The following ACTC1 variants were observed in gnomAD, a reference collection of about 807,000 sequenced individuals.
ACTC1 encodes the protein actin alpha cardiac muscle 1, also known as actin, alpha cardiac muscle 1.
In ACTC1, 10 loss-of-function variants were observed where a neutral mutation model predicts 31.6. That is an observed-to-expected ratio of 0.32 (90% CI 0.19 to 0.54). The LOEUF (loss-of-function observed/expected upper bound fraction) is 0.54. ACTC1 is among the 20% of genes least tolerant of loss of function. The probability of loss-of-function intolerance (pLI) is 0.95; values close to 1 mark genes in which losing one functional copy is unlikely to be tolerated. For missense variants in ACTC1, 129 were observed against 506.4 expected, an observed-to-expected ratio of 0.25 and a Z score of 7.15; for synonymous variants, 196 against 185.0, an observed-to-expected ratio of 1.06 and a Z score of -0.48.
intron 5 of ACTC1, 74 bp from the exon 6 acceptor site, chr15:34,791,369 G>A: frequency 1.9e-6 from 3 of 1,561,116 alleles, no homozygotes; most frequent in African/African-American, 1.4e-5. Flanking sequence ...GTGCATTCAG[G>A]TCAAGGTAGA....
chr15:34,790,299 G>T lies in ACTC1; in HGVS notation c.*113C>A. The stretch of plus-strand genomic sequence containing the variant: ...TTAGAAGCACAAACAAATTGCACGT[G>T]TGTAAACAAACTGTACAATGATTGA... On this transcript the variant is annotated 3_prime_UTR_variant, in exon 7 of 7. Coordinates refer to ENST00000290378, the MANE Select transcript of ACTC1 (RefSeq NM_005159.5). The T allele has an allele frequency of 7.3e-7, 1 of 1,374,414 alleles. No individual in the cohort carries two copies. Among genetic ancestry groups the T allele is most frequent in the Non-Finnish European group, 1.0e-6 (1 of 965,382 alleles). 85.1% of individuals were successfully genotyped at this position (1,374,414 alleles called of 1,614,324 possible). A position where few individuals can be genotyped will look rare whatever the true frequency, so the allele number is the denominator to read the frequency against.
rs2140430974 is a variant in ACTC1, at chr15:34,792,521, T to C, written c.503A>G (p.Tyr168Cys). The C allele has an allele frequency of 1.2e-6, 2 of 1,614,068 alleles. No individual in the cohort carries two copies. The highest frequency in any genetic ancestry group is 1.1e-5 in the South Asian group (1 of 91,078). ...GDGVTHNVPI[Y>C]EGYALPHAIM... ...GGCATGGGGCAAAGCGTAGCCCTCATAGATGGGGACATTGTGAGTTACACC... is the reference window on the plus strand; with the variant it reads ...GGCATGGGGCAAAGCGTAGCCCTCACAGATGGGGACATTGTGAGTTACACC... The change falls in exon 4 of 7, where the codon TAT becomes TGT. Residue 168 changes from tyrosine to cysteine, a missense_variant. Tyr to Cys is a radical substitution (Grantham distance 194). Around this residue, in one of 5 missense-constraint regions of ACTC1, gnomAD observed 37 missense variants for 228.6 expected, o/e 0.16. Coordinates refer to ENST00000290378, the MANE Select transcript of ACTC1 (RefSeq NM_005159.5). This position sits in a 1 kb window ranked among gnomAD's most constrained non-coding sequence, Gnocchi z 5.3.
In ACTC1 at chr15:34,792,758, C is replaced by T; in HGVS notation, c.455-189G>A. 3 of 643,508 alleles carry T rather than the reference C, an allele frequency of 4.7e-6. No homozygotes were observed. The South Asian group carries it at 5.6e-5, about 12-fold the overall frequency. 39.9% of individuals were successfully genotyped at this position (643,508 alleles called of 1,614,324 possible). A position where few individuals can be genotyped will look rare whatever the true frequency, so the allele number is the denominator to read the frequency against. On this transcript the variant is annotated intron_variant, in intron 3 of 6. Coordinates refer to ENST00000290378, the MANE Select transcript of ACTC1 (RefSeq NM_005159.5). This position sits in a 1 kb window ranked among gnomAD's most constrained non-coding sequence, Gnocchi z 5.3. ...GGAATACTAAATCTGAAGCAAACTG[C>T]AGCTCATCTTTTTAACTATTATAGT...
rs561081869 is a variant in ACTC1 at position 34,791,174 on chromosome 15, A to G, written c.930T>C (p.Gly310=). The G allele has an allele frequency of 6.4e-5, 103 of 1,613,694 alleles. No homozygotes were observed. In the South Asian group the frequency reaches 1.1e-3, roughly 17 times the overall value. Residue 310 remains glycine, a synonymous_variant, in exon 6 of 7, where the codon GGT becomes GGC. Coordinates refer to ENST00000290378, the MANE Select transcript of ACTC1 (RefSeq NM_005159.5). ...VLSGGTTMYP[G]IADRMQKEIT... ...TTTCCTTCTGCATACGATCAGCAATACCAGGGTACATAGTGGTGCCTCCAG... is the reference window on the plus strand; with the variant it reads ...TTTCCTTCTGCATACGATCAGCAATGCCAGGGTACATAGTGGTGCCTCCAG...
chr15:34,792,146 G>C lies in ACTC1; in HGVS notation c.752C>G (p.Thr251Ser). ...SYELPDGQVI[T>S]IGNERFRCPE... ...ACAGCGGAAGCGCTCATTGCCAATA[G>C]TGATGACTTGGCCATCAGGCAGTTC... Residue 251 changes from threonine to serine, a missense_variant, in exon 5 of 7, where the codon ACT (threonine) becomes AGT (serine). By Grantham distance (58) the Thr-to-Ser change is moderately conservative (BLOSUM62 1). Transcript: ENST00000290378. This position sits in a 1 kb window ranked among gnomAD's most constrained non-coding sequence, Gnocchi z 5.3. 1 of 1,614,238 alleles carries C rather than the reference G, an allele frequency of 6.2e-7. No individual in the cohort carries two copies. Among genetic ancestry groups the C allele is most frequent in the Non-Finnish European group, 8.5e-7 (1 of 1,180,050 alleles).
At chr15:34,791,809 T>C in intron 5 of ACTC1, 1 of 457,522 alleles carries the variant, frequency 2.2e-6, no homozygotes, top group South Asian at 2.3e-5. Context: ...AGTCAGCTCT[T>C]GTGAACTAGC....
In ACTC1 at chr15:34,794,703, T is replaced by C. The variant is rs759988070; in HGVS notation, c.106A>G (p.Ile36Val). The change falls in exon 2 of 7, where the codon ATC (isoleucine) becomes GTC (valine). Residue 36 changes from isoleucine to valine, a missense_variant. Ile to Val is a conservative substitution (Grantham distance 29). Transcript: ENST00000290378. ...DDAPRAVFPS[I>V]VGRPRHQGVM... ...ACCTGGTGCCGCGGGCGGCCCACGA[T>C]GGACGGGAAGACAGCGCGGGGCGCG... 1.2e-6 allele frequency: 2 copies of C among 1,612,714 alleles called. No homozygotes were observed. Among genetic ancestry groups the C allele is most frequent in the Non-Finnish European group, 1.7e-6 (2 of 1,179,504 alleles).
chr15:34,793,399 GGGAGCCACAC>G lies in ACTC1; in HGVS notation c.290_299del (p.Arg97ProfsTer13). The G allele has an allele frequency of 6.2e-7, 1 of 1,614,104 alleles. No homozygotes were observed. Among genetic ancestry groups the G allele is most frequent in the Non-Finnish European group, 8.5e-7 (1 of 1,180,006 alleles). On this transcript the variant is annotated frameshift_variant, in exon 3 of 7. Coordinates refer to ENST00000290378, the MANE Select transcript of ACTC1 (RefSeq NM_005159.5). LOFTEE classifies it high-confidence loss of function. The surrounding 1 kb of genome is among the most constrained non-coding windows in gnomAD (Gnocchi z 4.8). ...CTGTGAGCAGGGTGGGGTGCTCCTC[GGGAGCCACAC>G]GGAGCTCATTGTAGAAGGTGTGGTG...
At position 34,792,976 on chromosome 15, in the gene ACTC1, T is replaced by C. The variant is rs1891737319; in HGVS notation, c.454+269A>G. 1.8e-6 allele frequency: 1 copy of C among 548,986 alleles called. No individual in the cohort carries two copies. Among genetic ancestry groups the C allele is most frequent in the East Asian group, 3.1e-5 (1 of 31,870 alleles). 34.0% of individuals were successfully genotyped at this position (548,986 alleles called of 1,614,324 possible). On this transcript the variant is annotated intron_variant, in intron 3 of 6. Transcript: ENST00000290378. This position sits in a 1 kb window ranked among gnomAD's most constrained non-coding sequence, Gnocchi z 5.3. ...CAGGTGATGTGATGGTTTAAACACA[T>C]AACAATGACTGCTGCACTCCAAGCT...
rs145950317 is a variant in ACTC1 at position 34,790,890 on chromosome 15, C to CT, written c.990+223dup. On this transcript the variant is annotated intron_variant, in intron 6 of 6. Transcript: ENST00000290378. ...AAGATTTTGTTGCGTGTGTGTGTGTCTTTTTTTTGTCAAAGATTTATTTTT... is the reference window on the plus strand; with the variant it reads ...AAGATTTTGTTGCGTGTGTGTGTGTCTTTTTTTTTGTCAAAGATTTATTTTT... Among the ~76,000 whole-genome samples, 12 of 151,860 alleles carry CT rather than the reference C, an allele frequency of 7.9e-5. No individual in the cohort carries two copies. In the South Asian group the frequency reaches 1.7e-3, roughly 21 times the overall value.
chr15:34,790,688 G>A (rs922227193), intron 6 of ACTC1, 133 bp from the exon 7 acceptor site: 39 of 955,446 alleles, frequency 4.1e-5, no homozygotes, highest in Non-Finnish European at 5.3e-5. Flanking sequence ...GTCATACCAC[G>A]AAATAATGTG....
At chr15:34,791,358 A>G in intron 5 of ACTC1, 63 bp from the exon 6 acceptor site, 5 of 1,463,260 alleles carry the variant, frequency 3.4e-6, no homozygotes, top group Non-Finnish European at 4.7e-6. Flanking sequence ...CACACATCAC[A>G]GTGCATTCAG....
At position 34,793,269 on chromosome 15, in the gene ACTC1, G is replaced by A. The variant is rs1466238112; in HGVS notation, c.430C>T (p.Leu144=). 1.2e-6 allele frequency: 2 copies of A among 1,613,994 alleles called. No homozygotes were observed. The highest frequency in any genetic ancestry group is 1.7e-6 in the Non-Finnish European group (2 of 1,180,008). The part of the protein sequence containing the change: ...MYVAIQAVLS[L]YASGRTTGIV... Reference sequence around the variant, plus strand: ...CCTGTGGTACGGCCAGAAGCATACAGGGATAGCACTGCCTGGATGGCCACG... The same window carrying A: ...CCTGTGGTACGGCCAGAAGCATACAAGGATAGCACTGCCTGGATGGCCACG... The change falls in exon 3 of 7, where the codon CTG becomes TTG. Residue 144 remains leucine, a synonymous_variant. Transcript: ENST00000290378. This position sits in a 1 kb window ranked among gnomAD's most constrained non-coding sequence, Gnocchi z 4.8.
Position 34,790,540 on chromosome 15 carries a change from CA to C in ACTC1, c.1005del (p.Glu336SerfsTer?). Reference protein sequence around the residue: ...STMKIKIIAPPERKYSVWIGG... With the variant: ...STMKIKIIAPXERKYSVWIGG... ...CCAATCCAGACAGAGTATTTACGCTCAGGGGGAGCAATAATCTGCAGAAAGA... is the reference window on the plus strand; with the variant it reads ...CCAATCCAGACAGAGTATTTACGCTCGGGGGAGCAATAATCTGCAGAAAGA... On this transcript the variant is annotated frameshift_variant, in exon 7 of 7. Coordinates refer to ENST00000290378, the MANE Select transcript of ACTC1 (RefSeq NM_005159.5). LOFTEE classifies it high-confidence loss of function. 1 of 1,614,064 alleles carries C rather than the reference CA, an allele frequency of 6.2e-7. No homozygotes were observed. The highest frequency in any genetic ancestry group is 8.5e-7 in the Non-Finnish European group (1 of 1,180,000).
At chr15:34,791,006 G>C in intron 6 of ACTC1, 108 bp downstream of exon 6, 1 of 1,101,284 alleles carries the variant, frequency 9.1e-7, no homozygotes, top group Non-Finnish European at 1.3e-6. Flanking sequence ...AACAGGTAAA[G>C]TTTGTAGGAG....
At position 34,793,430 on chromosome 15, in the gene ACTC1, T is replaced by G. The variant is rs1253423096; in HGVS notation, c.269A>C (p.His90Pro). The G allele has an allele frequency of 1.2e-6, 2 of 1,614,116 alleles. No homozygotes were observed. The highest frequency in any genetic ancestry group is 1.7e-6 in the Non-Finnish European group (2 of 1,180,008). ...NWDDMEKIWHHTFYNELRVAP... is the reference protein window; with the variant it reads ...NWDDMEKIWHPTFYNELRVAP... ...CACACGGAGCTCATTGTAGAAGGTG[T>G]GGTGCCAGATCTTCTCCATGTCGTC... is the stretch of plus-strand genomic sequence containing the variant. Residue 90 changes from histidine (H) to proline (P), a missense_variant, in exon 3 of 7, where the codon CAC becomes CCC. By Grantham distance (77) the His-to-Pro change is moderately conservative (BLOSUM62 -2). This residue lies in a region of ACTC1 where 35 missense variants were observed against 102.3 expected (regional missense o/e 0.34). Transcript: ENST00000290378. This position sits in a 1 kb window ranked among gnomAD's most constrained non-coding sequence, Gnocchi z 4.8.
intron 2 of ACTC1, among the ~76,000 whole-genome samples, chr15:34,794,044 CTGT>C (rs1891761896): frequency 6.6e-6 from 1 of 152,222 alleles, no homozygotes; most frequent in African/African-American, 2.4e-5. Flanking sequence ...CTGTCCAGAG[CTGT>C]TCTGGAGTCA....
Position 34,793,495 on chromosome 15 carries a change from G to A in ACTC1, c.204C>T (p.Thr68=), listed in dbSNP as rs1891751214. 3.7e-6 allele frequency: 6 copies of A among 1,614,036 alleles called. No individual in the cohort carries two copies. Among genetic ancestry groups the A allele is most frequent in the Non-Finnish European group, 4.2e-6 (5 of 1,180,004 alleles). The part of the protein sequence containing the change: ...DEAQSKRGIL[T]LKYPIEHGII... ...TACCATGCTCGATGGGATACTTCAG[G>A]GTCAGGATGCCTCTCTTGCTCTGGG... Residue 68 remains threonine (T), a synonymous_variant, in exon 3 of 7, where the codon ACC becomes ACT. Transcript: ENST00000290378. This position sits in a 1 kb window ranked among gnomAD's most constrained non-coding sequence, Gnocchi z 4.8.
chr15:34,794,949 CG>C (rs1861249185), intron 1 of ACTC1, 119 bp from the exon 2 acceptor site: 3 of 256,384 alleles, frequency 1.2e-5, no homozygotes, highest in Non-Finnish European at 2.2e-5. Flanking sequence ...GGGGGTTGGG[CG>C]GGGAACACTC....
Sources: gnomAD v4.1 joint callset for allele counts (sites outside exome capture counted in the v4.1 genomes callset) on GRCh38, gnomAD v4.1.1 for gene constraint, gnomAD v4.1.1 regional missense constraint, Gnocchi (gnomAD v3.1) non-coding constraint, MANE v1.5 for transcripts, NCBI Gene and HGNC (gene_info 2026-07-23, HGNC 2026-07-21) for gene names.